The following ASTN2 variants were observed in gnomAD, a reference collection of about 807,000 sequenced individuals.
ASTN2 encodes astrotactin 2.
A neutral mutation model predicts 139.8 loss-of-function variants in ASTN2; 54 were observed. That is an observed-to-expected ratio of 0.39 (90% CI 0.31 to 0.48). The LOEUF is 0.48. Among genes scored for constraint, ASTN2 ranks in the 20% least tolerant of loss-of-function variants. The pLI is 0.95. For synonymous variants in ASTN2, 756 were observed against 719.5 expected, an observed-to-expected ratio of 1.05 and a Z score of -0.81; for missense variants, 1,565 against 1,725.1, an observed-to-expected ratio of 0.91 and a Z score of 1.64.
At chr9:116,566,256 T>C (rs1036955944) in intron 19 of ASTN2, among the ~76,000 whole-genome samples, 3 of 152,186 alleles carry the variant, frequency 2.0e-5, no homozygotes, top group African/African-American at 7.2e-5. Context: ...TTTCATGTTC[T>C]TTCATATGTT....
intron 13 of ASTN2, among the ~76,000 whole-genome samples, chr9:116,763,881 G>A (rs1829739616): frequency 6.6e-6 from 1 of 152,176 alleles, no homozygotes; most frequent in Admixed American, 6.5e-5. Flanking sequence ...GTCTCTGCGA[G>A]AGGGTGAGGG....
intron 10 of ASTN2, among the ~76,000 whole-genome samples, chr9:116,871,605 T>C (rs1375737286): frequency 2.0e-5 from 3 of 152,196 alleles, no homozygotes; most frequent in Admixed American, 1.3e-4. Context: ...TAGCATAGTG[T>C]TTTCAAGGTT....
At chr9:116,451,451 TA>T (rs34420505) in intron 20 of ASTN2, among the ~76,000 whole-genome samples, 48,275 of 145,088 alleles carry the variant, frequency 0.33, 8,372 homozygotes, top group Non-Finnish European at 0.41. Context: ...GAAACACCCA[TA>T]AAAAAAAAAA....
chr9:116,991,483 C>T (rs1427669106), intron 7 of ASTN2, among the ~76,000 whole-genome samples: 2 of 151,974 alleles, frequency 1.3e-5, no homozygotes, highest in Non-Finnish European at 2.9e-5. Flanking sequence ...TCAATAATTC[C>T]CATATGTTGA....
intron 1 of ASTN2, among the ~76,000 whole-genome samples, chr9:117,341,582 C>G (rs992061022): frequency 2.6e-5 from 4 of 152,166 alleles, no homozygotes; most frequent in Non-Finnish European, 4.4e-5. Context: ...CCTTAAACAG[C>G]AAAGTGGATC....
At chr9:116,853,440 C>T (rs1353651468) in intron 11 of ASTN2, among the ~76,000 whole-genome samples, 2 of 152,162 alleles carry the variant, frequency 1.3e-5, no homozygotes, top group Non-Finnish European at 2.9e-5. Flanking sequence ...CCTCAGGAGA[C>T]ACTCACTGGT....
chr9:117,152,991 C>A (rs1371888678), intron 3 of ASTN2, among the ~76,000 whole-genome samples: 3 of 152,090 alleles, frequency 2.0e-5, no homozygotes, highest in Non-Finnish European at 4.4e-5. Context: ...ATGGAAGTAT[C>A]TGCCTCATTT....
chr9:117,366,387 G>A (rs1829844079), intron 1 of ASTN2, among the ~76,000 whole-genome samples: 1 of 152,100 alleles, frequency 6.6e-6, no homozygotes, highest in South Asian at 2.1e-4. Flanking sequence ...ACCCTGTGTG[G>A]GAAGCAGAGC....
At chr9:116,688,674 A>G (rs1860403475) in intron 16 of ASTN2, among the ~76,000 whole-genome samples, 1 of 152,184 alleles carries the variant, frequency 6.6e-6, no homozygotes, top group Non-Finnish European at 1.5e-5. Context: ...TTTGGGGAAG[A>G]AGAAGTGGAA....
intron 19 of ASTN2, chr9:116,612,123 C>A (rs552524141): frequency 1.4e-4 from 21 of 152,196 alleles, no homozygotes; most frequent in African/African-American, 5.1e-4. Context: ...GGAAACAAAA[C>A]AGAGCCTTTG....
At chr9:117,188,459 T>C (rs1292345814) in intron 3 of ASTN2, among the ~76,000 whole-genome samples, 2 of 152,106 alleles carry the variant, frequency 1.3e-5, no homozygotes, top group East Asian at 1.9e-4. Flanking sequence ...ATAGTGGGGC[T>C]ATCATCTCCA....
At chr9:117,243,448 T>C (rs1162341999) in intron 2 of ASTN2, among the ~76,000 whole-genome samples, 2 of 152,302 alleles carry the variant, frequency 1.3e-5, no homozygotes, top group East Asian at 3.9e-4. Flanking sequence ...TAAAATAGGA[T>C]ATAATATTCA....
At chr9:116,835,006 G>A (rs1831941593) in intron 11 of ASTN2, among the ~76,000 whole-genome samples, 1 of 152,100 alleles carries the variant, frequency 6.6e-6, no homozygotes, top group South Asian at 2.1e-4. Flanking sequence ...CTGTGGTTGT[G>A]CTACTATACT....
intron 2 of ASTN2, among the ~76,000 whole-genome samples, chr9:117,257,265 C>A (rs1365671531): frequency 6.6e-6 from 1 of 152,120 alleles, no homozygotes; most frequent in Non-Finnish European, 1.5e-5. Context: ...GGAACAGGGA[C>A]ACACTGACTT....
intron 11 of ASTN2, among the ~76,000 whole-genome samples, chr9:116,845,184 G>A (rs1832390826): frequency 6.6e-6 from 1 of 152,216 alleles, no homozygotes; most frequent in South Asian, 2.1e-4. Flanking sequence ...GTGCGATCTC[G>A]GCTCAATGCA....
At chr9:116,476,044 T>C (rs982910157) in intron 20 of ASTN2, among the ~76,000 whole-genome samples, 3 of 152,174 alleles carry the variant, frequency 2.0e-5, no homozygotes, top group African/African-American at 7.2e-5. Context: ...AGAAGTGTAC[T>C]CTCTCAGAGT....
chr9:117,042,858 T>C (rs1286848754), intron 5 of ASTN2, among the ~76,000 whole-genome samples: 1 of 152,036 alleles, frequency 6.6e-6, no homozygotes, highest in Non-Finnish European at 1.5e-5. Context: ...TTTGTTGTTG[T>C]TGTTTTTTGT....
intron 19 of ASTN2, among the ~76,000 whole-genome samples, chr9:116,602,547 A>C (rs953975669): frequency 6.6e-6 from 1 of 152,230 alleles, no homozygotes; most frequent in African/African-American, 2.4e-5. Context: ...GAGAGTATGC[A>C]TGAAAAATGT....
At chr9:116,494,601 G>A (rs1429287726) in intron 19 of ASTN2, among the ~76,000 whole-genome samples, 3 of 152,074 alleles carry the variant, frequency 2.0e-5, no homozygotes, top group Admixed American at 6.6e-5. Flanking sequence ...AATGTTATTT[G>A]GCTTTTATTA....
Sources: allele counts gnomAD v4.1 joint callset (sites outside exome capture counted in the v4.1 genomes callset), GRCh38; gene constraint gnomAD v4.1.1; transcripts MANE v1.5; gene names NCBI Gene and HGNC (gene_info 2026-07-23, HGNC 2026-07-21).